Variants in ARHGAP24 observed in about 807,000 individuals in gnomAD.
The protein encoded by ARHGAP24 is Rho GTPase activating protein 24.
Under a neutral mutation model 76.4 loss-of-function variants are expected in ARHGAP24, and 50 were observed. The observed-to-expected ratio is 0.65, with a 90% confidence interval of 0.52 to 0.83. ARHGAP24 has a LOEUF of 0.83. Among genes scored for constraint, ARHGAP24 ranks in the 40% least tolerant of loss-of-function variants. The pLI is 0.00. For synonymous variants in ARHGAP24, 345 were observed against 323.3 expected (o/e 1.07, Z -0.72); for missense variants, 930 against 914.2 (o/e 1.02, Z -0.22).
intron 5 of ARHGAP24, among the ~76,000 whole-genome samples, chr4:85,960,884 T>C (rs1175505564): frequency 6.6e-6 from 1 of 152,146 alleles, no homozygotes; most frequent in Non-Finnish European, 1.5e-5. Flanking sequence ...CCTTTATTTG[T>C]TTTCTGCTCC....
rs540459367 is a variant in ARHGAP24 at position 85,894,960 on chromosome 4, C to CA, written c.269-28660dup. Among the ~76,000 whole-genome samples the CA allele has an allele frequency of 4.4e-3, 154 of 35,282 alleles. 1 individual carries two copies. The highest frequency in any genetic ancestry group is 6.7e-3 in the Non-Finnish European group (102 of 15,230). 23.1% of individuals were successfully genotyped at this position (35,282 alleles called of 152,430 possible). A position where few individuals can be genotyped will look rare whatever the true frequency, so the allele number is the denominator to read the frequency against. ...TGGGCAACAGAATGAGACTCCCTCT[C>CA]AAAAAAAAAAAAAAAAAAAAAAAAA... is the stretch of plus-strand genomic sequence containing the variant. On this transcript the variant is annotated intron_variant, in intron 3 of 9. Transcript: ENST00000395184.
At chr4:85,885,820 C>G (rs1315537681) in intron 3 of ARHGAP24, among the ~76,000 whole-genome samples, 2 of 151,960 alleles carry the variant, frequency 1.3e-5, no homozygotes, top group Non-Finnish European at 2.9e-5. Context: ...TTGTTTAAAG[C>G]TAGAGTTAGA....
intron 2 of ARHGAP24, among the ~76,000 whole-genome samples, chr4:85,703,146 G>C (rs1437922565): frequency 6.6e-6 from 1 of 152,146 alleles, no homozygotes; most frequent in Non-Finnish European, 1.5e-5. Context: ...ATCCTTTAAG[G>C]CAGTGGAAAT....
At chr4:85,703,081 C>A (rs1167806163) in intron 2 of ARHGAP24, among the ~76,000 whole-genome samples, 1 of 151,838 alleles carries the variant, frequency 6.6e-6, no homozygotes, top group Admixed American at 6.6e-5. Flanking sequence ...AAGATTATGA[C>A]TAAAACAACT....
At chr4:85,691,885 G>T (rs548640635) in intron 2 of ARHGAP24, among the ~76,000 whole-genome samples, 1 of 152,264 alleles carries the variant, frequency 6.6e-6, no homozygotes, top group East Asian at 1.9e-4. Flanking sequence ...TCACCATGTT[G>T]TTAGCTGGTT....
intron 3 of ARHGAP24, among the ~76,000 whole-genome samples, chr4:85,866,892 G>A (rs1013459940): frequency 6.6e-6 from 1 of 152,082 alleles, no homozygotes; most frequent in African/African-American, 2.4e-5. Context: ...TGACTTTATA[G>A]TGACAAACCC....
chr4:85,839,255 G>T (rs73833889), intron 3 of ARHGAP24, among the ~76,000 whole-genome samples: 46,963 of 152,030 alleles, frequency 0.31, 7,390 homozygotes, highest in East Asian at 0.55. Flanking sequence ...TCCAAAGTAC[G>T]TTTCTGAAAG....
intron 2 of ARHGAP24, among the ~76,000 whole-genome samples, chr4:85,667,781 A>G (rs924106833): frequency 1.3e-4 from 20 of 152,228 alleles, no homozygotes; most frequent in Non-Finnish European, 1.0e-4. Flanking sequence ...AAAGCCAAAT[A>G]AAAATCTATT....
At chr4:85,867,910 C>CATATAT (rs1553936418) in intron 3 of ARHGAP24, among the ~76,000 whole-genome samples, 4 of 144,268 alleles carry the variant, frequency 2.8e-5, no homozygotes, top group Admixed American at 6.9e-5. Context: ...TATATATATA[C>CATATAT]ATATATGTAC....
intron 1 of ARHGAP24, among the ~76,000 whole-genome samples, chr4:85,534,492 T>C (rs1331867564): frequency 6.6e-6 from 1 of 152,014 alleles, no homozygotes; most frequent in Non-Finnish European, 1.5e-5. Context: ...AGCCTGTGAG[T>C]GACATGTTTG....
intron 1 of ARHGAP24, among the ~76,000 whole-genome samples, chr4:85,540,466 T>C (rs562417227): frequency 6.6e-6 from 1 of 152,306 alleles, no homozygotes; most frequent in Admixed American, 6.5e-5. Flanking sequence ...ATGATACCAG[T>C]CTAGAAGTTA....
At chr4:85,524,253 T>A (rs373554073) in intron 1 of ARHGAP24, among the ~76,000 whole-genome samples, 18 of 152,226 alleles carry the variant, frequency 1.2e-4, no homozygotes, top group Middle Eastern at 6.8e-3. Flanking sequence ...CTTGGGCTAA[T>A]TTTTTACCAA....
intron 2 of ARHGAP24, among the ~76,000 whole-genome samples, chr4:85,598,143 T>C (rs1719902907): frequency 6.6e-6 from 1 of 152,052 alleles, no homozygotes; most frequent in Non-Finnish European, 1.5e-5. Context: ...ACATCATGAC[T>C]TCTCAAAAGA....
chr4:85,958,343 C>G (rs1282582766), intron 5 of ARHGAP24, among the ~76,000 whole-genome samples: 1 of 152,020 alleles, frequency 6.6e-6, no homozygotes, highest in Non-Finnish European at 1.5e-5. Context: ...TTATGGGGCA[C>G]TTTTTATTGT....
chr4:85,945,882 A>C (rs764921783), intron 5 of ARHGAP24, among the ~76,000 whole-genome samples: 1 of 152,096 alleles, frequency 6.6e-6, no homozygotes, highest in African/African-American at 2.4e-5. Flanking sequence ...ATAATTTACT[A>C]TTCTGTATTG....
intron 3 of ARHGAP24, among the ~76,000 whole-genome samples, chr4:85,918,240 GATA>G (rs764524080): frequency 6.6e-6 from 1 of 151,444 alleles, no homozygotes; most frequent in Non-Finnish European, 1.5e-5. Flanking sequence ...TACAAATTGA[GATA>G]ATATCATACA....
intron 1 of ARHGAP24, among the ~76,000 whole-genome samples, chr4:85,511,487 G>A (rs1724281625): frequency 6.6e-6 from 1 of 151,646 alleles, no homozygotes; most frequent in Non-Finnish European, 1.5e-5. Flanking sequence ...TATTGAGATG[G>A]AATTTTGTTC....
At chr4:85,742,490 A>T (rs1206987667) in intron 3 of ARHGAP24, among the ~76,000 whole-genome samples, 1 of 130,332 alleles carries the variant, frequency 7.7e-6, no homozygotes. Flanking sequence ...AGTGTTTGAG[A>T]AAAAAAGGTG....
intron 3 of ARHGAP24, among the ~76,000 whole-genome samples, chr4:85,869,513 C>T (rs1732406006): frequency 6.6e-6 from 1 of 151,978 alleles, no homozygotes; most frequent in East Asian, 1.9e-4. Context: ...TAAATTACTA[C>T]AACCCTGTTT....
Sources: gnomAD v4.1 joint callset for allele counts (sites outside exome capture counted in the v4.1 genomes callset) on GRCh38, gnomAD v4.1.1 for gene constraint, MANE v1.5 for transcripts, NCBI Gene and HGNC (gene_info 2026-07-23, HGNC 2026-07-21) for gene names.